SLC4A4: variants seen among roughly 807,000 people sequenced by gnomAD.
The protein encoded by SLC4A4 is solute carrier family 4 member 4.
In SLC4A4, 27 loss-of-function variants were observed where a neutral mutation model predicts 111.5. That is an observed-to-expected ratio of 0.24 (90% confidence interval 0.18 to 0.33). The LOEUF (loss-of-function observed/expected upper bound fraction) is 0.33. Ranked by LOEUF, SLC4A4 falls within the 10% of genes least tolerant of loss-of-function variation. SLC4A4 has a pLI of 1.00. For synonymous variants in SLC4A4, 443 were observed against 463.4 expected (o/e 0.96, Z 0.57); for missense variants, 909 against 1,315.5 (o/e 0.69, Z 4.78).
At chr4:71,419,977 A>G (rs1349663820) in intron 7 of SLC4A4, among the ~76,000 whole-genome samples, 1 of 152,264 alleles carries the variant, frequency 6.6e-6, no homozygotes, top group African/African-American at 2.4e-5. Flanking sequence ...CAGTGGAACA[A>G]AGCTGGACGG....
At chr4:71,266,082 C>T (rs1286269677) in intron 3 of SLC4A4, among the ~76,000 whole-genome samples, 1 of 152,150 alleles carries the variant, frequency 6.6e-6, no homozygotes, top group East Asian at 1.9e-4. Context: ...CCAGCTTTAA[C>T]AAAGATGCTA....
chr4:71,472,742 CT>C lies in SLC4A4; in HGVS notation c.1676del (p.Leu559ArgfsTer11). The C allele has an allele frequency of 6.2e-7, 1 of 1,612,870 alleles. No homozygotes were observed. The highest frequency in any genetic ancestry group is 8.5e-7 in the Non-Finnish European group (1 of 1,179,270). On this transcript the variant is annotated frameshift_variant, in exon 14 of 26. Coordinates refer to ENST00000264485, the MANE Select transcript of SLC4A4 (RefSeq NM_001098484.3). LOFTEE classifies it high-confidence loss of function. ...DYLEFRLWIG[L>X]WSAFLCLILV... ...TTTGGAGTTTCGCCTTTGGATTGGCCTGTGGTCCGCCTTCCTATGTCTCATT... is the reference window on the plus strand; with the variant it reads ...TTTGGAGTTTCGCCTTTGGATTGGCCGTGGTCCGCCTTCCTATGTCTCATT...
intron 7 of SLC4A4, among the ~76,000 whole-genome samples, chr4:71,403,823 TG>T (rs1720592230): frequency 6.6e-6 from 1 of 152,122 alleles, no homozygotes; most frequent in Admixed American, 6.5e-5. Flanking sequence ...AGATGCAATG[TG>T]ATAGGATGGA....
intron 13 of SLC4A4, among the ~76,000 whole-genome samples, chr4:71,470,433 C>T (rs552010024): frequency 6.6e-6 from 1 of 152,020 alleles, no homozygotes; most frequent in Non-Finnish European, 1.5e-5. Flanking sequence ...CTCTCTAGAG[C>T]TAAATACAAA....
At chr4:71,475,838 A>G (rs2149113037) in intron 14 of SLC4A4, among the ~76,000 whole-genome samples, 1 of 151,864 alleles carries the variant, frequency 6.6e-6, no homozygotes, top group East Asian at 1.9e-4. Flanking sequence ...TAAGTAATCA[A>G]CTGTTAGCTG....
chr4:71,260,107 C>A (rs1467286064), intron 3 of SLC4A4, among the ~76,000 whole-genome samples: 1 of 152,120 alleles, frequency 6.6e-6, no homozygotes, highest in Non-Finnish European at 1.5e-5. Flanking sequence ...GAACATTGTT[C>A]TGTGAGCCTG....
At chr4:71,081,956 G>A (rs1429782019) in intron 1 of SLC4A4, among the ~76,000 whole-genome samples, 11 of 152,034 alleles carry the variant, frequency 7.2e-5, no homozygotes, top group Admixed American at 5.9e-4. Flanking sequence ...CCCAGTGTCT[G>A]TGCTATTAGC....
intron 6 of SLC4A4, among the ~76,000 whole-genome samples, chr4:71,380,665 G>A (rs1480130335): frequency 1.3e-5 from 2 of 152,174 alleles, no homozygotes; most frequent in African/African-American, 4.8e-5. Context: ...TTTAAGCCAT[G>A]AGAATCAAAG....
intron 23 of SLC4A4, among the ~76,000 whole-genome samples, chr4:71,561,919 G>A (rs994857515): frequency 1.3e-5 from 2 of 151,718 alleles, no homozygotes; most frequent in African/African-American, 2.4e-5. Flanking sequence ...CATTATGAGT[G>A]TGTGAAGTCG....
At chr4:71,251,953 G>A (rs1721096755) in intron 2 of SLC4A4, among the ~76,000 whole-genome samples, 1 of 152,020 alleles carries the variant, frequency 6.6e-6, no homozygotes, top group African/African-American at 2.4e-5. Flanking sequence ...TGTCTGTCAA[G>A]TTTCTCCTTT....
chr4:71,373,722 A>G (rs1327835133), intron 6 of SLC4A4, among the ~76,000 whole-genome samples: 2 of 152,162 alleles, frequency 1.3e-5, no homozygotes, highest in Non-Finnish European at 2.9e-5. Flanking sequence ...TTTGAGTGGG[A>G]ATCAGTTAGG....
chr4:71,547,604 A>G, intron 19 of SLC4A4, 44 bp from the exon 20 acceptor site: 1 of 1,485,590 alleles, frequency 6.7e-7, no homozygotes, highest in East Asian at 2.3e-5. Context: ...GAGCATGTTT[A>G]TGAAGACAAG....
intron 3 of SLC4A4, among the ~76,000 whole-genome samples, chr4:71,281,918 CTCTT>C (rs1388751368): frequency 4.7e-5 from 7 of 149,974 alleles, no homozygotes; most frequent in Non-Finnish European, 7.4e-5. Flanking sequence ...TCTCTTTTTT[CTCTT>C]TCTTTTTTTT....
chr4:71,134,365 C>T (rs1743789116), intron 2 of SLC4A4, among the ~76,000 whole-genome samples: 1 of 152,208 alleles, frequency 6.6e-6, no homozygotes, highest in Non-Finnish European at 1.5e-5. Context: ...GCCATCCATC[C>T]ATGTCCAGAT....
intron 14 of SLC4A4, chr4:71,473,414 T>C (rs1418278793): frequency 3.3e-6 from 1 of 303,868 alleles, no homozygotes; most frequent in East Asian, 5.5e-5. Context: ...AAGATACTAA[T>C]CCACTTCAGA....
At chr4:71,343,828 A>G (rs1334828578) in intron 4 of SLC4A4, among the ~76,000 whole-genome samples, 1 of 151,494 alleles carries the variant, frequency 6.6e-6, no homozygotes, top group Non-Finnish European at 1.5e-5. Context: ...CCTCTGCTTC[A>G]CTCTGCTTGA....
At chr4:71,146,582 T>A (rs925549570) in intron 2 of SLC4A4, among the ~76,000 whole-genome samples, 3 of 152,204 alleles carry the variant, frequency 2.0e-5, no homozygotes, top group Admixed American at 6.5e-5. Context: ...TGTGGGAGTC[T>A]AAGTCTCTTT....
At chr4:71,474,936 C>G (rs1292606335) in intron 14 of SLC4A4, among the ~76,000 whole-genome samples, 1 of 151,692 alleles carries the variant, frequency 6.6e-6, no homozygotes, top group Non-Finnish European at 1.5e-5. Flanking sequence ...GTTATTGTCA[C>G]TCAACTATAT....
chr4:71,397,949 G>A (rs1017420688), intron 7 of SLC4A4, among the ~76,000 whole-genome samples: 1 of 152,144 alleles, frequency 6.6e-6, no homozygotes, highest in Admixed American at 6.5e-5. Context: ...TTATTCTAGG[G>A]ATTAAACGAG....
Sources: allele counts gnomAD v4.1 joint callset (sites outside exome capture counted in the v4.1 genomes callset), GRCh38; gene constraint gnomAD v4.1.1; transcripts MANE v1.5; gene names NCBI Gene and HGNC (gene_info 2026-07-23, HGNC 2026-07-21).